The following GPR176 variants were observed in gnomAD, a reference collection of about 807,000 sequenced individuals.
GPR176 encodes G protein-coupled receptor 176.
In GPR176, 26 loss-of-function variants were observed where a neutral mutation model predicts 35.4. The observed-to-expected ratio is 0.74, with a 90% CI of 0.54 to 1.02. The LOEUF (loss-of-function observed/expected upper bound fraction) is 1.02. Among genes scored for constraint, GPR176 ranks in the 50% least tolerant of loss-of-function variants. The pLI, the probability that GPR176 is intolerant of heterozygous loss-of-function variation, is 0.00. For synonymous variants in GPR176, 278 were observed against 271.3 expected (o/e 1.02, Z -0.24); for missense variants, 597 against 665.3 (o/e 0.90, Z 1.13).
intron 1 of GPR176, among the ~76,000 whole-genome samples, chr15:39,846,748 G>C (rs912940575): frequency 3.3e-5 from 5 of 152,028 alleles, no homozygotes; most frequent in African/African-American, 1.2e-4. Flanking sequence ...TATTCTTCAG[G>C]AATGAAGGAG....
rs1482018086 is a variant in GPR176, at chr15:39,869,243, C to A, written c.172+50612G>T. ...CATTTTACTTTAAAAAGGACTCTAT[C>A]ATGGGTATTTTGGAAAATACTTAGG... On this transcript the variant is annotated intron_variant, in intron 1 of 2. Transcript: ENST00000561100. Among the ~76,000 whole-genome samples, 3 of 151,494 alleles carry A rather than the reference C, an allele frequency of 2.0e-5. No homozygotes were observed. In the East Asian group the frequency reaches 5.8e-4, roughly 29 times the overall value.
Position 39,919,978 on chromosome 15 carries a change from T to C in GPR176, c.49A>G (p.Asn17Asp). 1 of 1,468,576 alleles carries C rather than the reference T, an allele frequency of 6.8e-7. No individual in the cohort carries two copies. Among genetic ancestry groups the C allele is most frequent in the Non-Finnish European group, 9.0e-7 (1 of 1,109,204 alleles). 91.0% of individuals were successfully genotyped at this position (1,468,576 alleles called of 1,614,324 possible). The part of the protein sequence containing the change: ...WISPNASEPH[N>D]ASGAEAAGVN... ...CCCGCAGCCTCGGCGCCGGACGCGT[T>C]GTGCGGCTCGCTGGCATTTGGAGAG... Residue 17 changes from asparagine (N) to aspartate (D), a missense_variant, in exon 1 of 3, where the codon AAC becomes GAC. This residue lies in a region of GPR176 where 126 missense variants were observed against 112.4 expected (regional missense o/e 1.12). Transcript: ENST00000561100.
chr15:39,875,003 T>C (rs1161352222), intron 1 of GPR176, among the ~76,000 whole-genome samples: 5 of 152,102 alleles, frequency 3.3e-5, no homozygotes, highest in South Asian at 2.1e-4. Context: ...GATCGCGCCA[T>C]TGCACTCCAG....
intron 1 of GPR176, among the ~76,000 whole-genome samples, chr15:39,853,463 G>A (rs1033126871): frequency 6.6e-6 from 1 of 152,144 alleles, no homozygotes; most frequent in African/African-American, 2.4e-5. Flanking sequence ...TTCGCAAGAC[G>A]AAAAGTTCTG....
At chr15:39,914,520 G>A (rs536860913) in intron 1 of GPR176, among the ~76,000 whole-genome samples, 36 of 151,996 alleles carry the variant, frequency 2.4e-4, no homozygotes, top group Middle Eastern at 3.4e-3. Flanking sequence ...TCACCATGTT[G>A]GCCAGGCTGG....
At chr15:39,858,576 G>T (rs764556209) in intron 1 of GPR176, among the ~76,000 whole-genome samples, 1 of 152,066 alleles carries the variant, frequency 6.6e-6, no homozygotes, top group Non-Finnish European at 1.5e-5. Flanking sequence ...AGCTGGGTGT[G>T]GTGGTGCACA....
At chr15:39,816,972 G>T (rs1290977306) in intron 1 of GPR176, among the ~76,000 whole-genome samples, 1 of 147,918 alleles carries the variant, frequency 6.8e-6, no homozygotes, top group Admixed American at 7.0e-5. Context: ...AGGAGGCAGA[G>T]GCAGTAGGAT....
At chr15:39,886,311 C>CA in intron 1 of GPR176, among the ~76,000 whole-genome samples, 1 of 152,178 alleles carries the variant, frequency 6.6e-6, no homozygotes, top group Admixed American at 6.5e-5. Flanking sequence ...GAGAATTTTA[C>CA]AGGTATACTT....
chr15:39,866,418 A>G (rs2031831439), intron 1 of GPR176, among the ~76,000 whole-genome samples: 1 of 152,228 alleles, frequency 6.6e-6, no homozygotes, highest in Non-Finnish European at 1.5e-5. Context: ...ATTGTCTCAC[A>G]TTAGTAACAT....
At chr15:39,916,376 G>A (rs548553062) in intron 1 of GPR176, among the ~76,000 whole-genome samples, 5 of 152,236 alleles carry the variant, frequency 3.3e-5, no homozygotes, top group Admixed American at 1.3e-4. Flanking sequence ...ACTGGTTTAC[G>A]CAAACCCCCA....
chr15:39,919,204 A>ATGTG lies in GPR176; in HGVS notation c.172+647_172+650dup, dbSNP rs139095859. ...CTGAACAAGTATACCTAAATCTGGG[A>ATGTG]TGTGTGTGTGTGTGTTTTATCCTAC... On this transcript the variant is annotated intron_variant, in intron 1 of 2. Transcript: ENST00000561100. Among the ~76,000 whole-genome samples the ATGTG allele has an allele frequency of 5.9e-5, 9 of 151,744 alleles. No individual in the cohort carries two copies. The East Asian group carries it at 1.5e-3, about 26-fold the overall frequency.
chr15:39,919,580 G>C (rs529305422), intron 1 of GPR176, among the ~76,000 whole-genome samples: 1 of 152,184 alleles, frequency 6.6e-6, no homozygotes, highest in Non-Finnish European at 1.5e-5. Flanking sequence ...GCATTCCGCC[G>C]GGGCCATCTG....
chr15:39,869,023 C>T (rs924174784), intron 1 of GPR176, among the ~76,000 whole-genome samples: 1 of 151,838 alleles, frequency 6.6e-6, no homozygotes, highest in African/African-American at 2.4e-5. Context: ...AAAAAAATTC[C>T]CCCAAATAAG....
chr15:39,897,876 C>A (rs2033165690), intron 1 of GPR176, among the ~76,000 whole-genome samples: 1 of 152,184 alleles, frequency 6.6e-6, no homozygotes, highest in East Asian at 1.9e-4. Flanking sequence ...TGCATCTTTT[C>A]TGGCAGCTCT....
At chr15:39,881,002 T>C (rs571017481) in intron 1 of GPR176, among the ~76,000 whole-genome samples, 5 of 152,200 alleles carry the variant, frequency 3.3e-5, no homozygotes, top group African/African-American at 4.8e-5. Flanking sequence ...CATGGCTCCT[T>C]GAGGCCTAGA....
chr15:39,883,292 T>C (rs1275562146), intron 1 of GPR176, among the ~76,000 whole-genome samples: 1 of 152,210 alleles, frequency 6.6e-6, no homozygotes, highest in African/African-American at 2.4e-5. Context: ...ACCCATCATA[T>C]AGCTAAATAT....
At chr15:39,896,201 T>C (rs1393616589) in intron 1 of GPR176, among the ~76,000 whole-genome samples, 11 of 151,996 alleles carry the variant, frequency 7.2e-5, no homozygotes, top group Admixed American at 7.2e-4. Flanking sequence ...ACTACAGACA[T>C]ACATATGCCA....
intron 1 of GPR176, among the ~76,000 whole-genome samples, chr15:39,874,788 A>T (rs565000529): frequency 3.1e-4 from 47 of 152,308 alleles, no homozygotes; most frequent in Middle Eastern, 6.8e-3. Flanking sequence ...TCATGTGTGT[A>T]ATCCCAGCAC....
intron 1 of GPR176, among the ~76,000 whole-genome samples, chr15:39,822,728 T>C (rs140736456): frequency 1.3e-5 from 2 of 152,334 alleles, no homozygotes; most frequent in Non-Finnish European, 2.9e-5. Context: ...ACCTAAACAA[T>C]TAATAGTTCT....
Sources: gnomAD v4.1 joint callset for allele counts (sites outside exome capture counted in the v4.1 genomes callset) on GRCh38, gnomAD v4.1.1 for gene constraint, gnomAD v4.1.1 regional missense constraint, MANE v1.5 for transcripts, NCBI Gene and HGNC (gene_info 2026-07-23, HGNC 2026-07-21) for gene names.